VWDE: variants seen among roughly 807,000 people sequenced by gnomAD.
VWDE encodes von Willebrand factor D and EGF domains, also known as von Willebrand factor D and EGF domain-containing protein.
VWDE carries 207 observed loss-of-function variants against 178.4 expected under a neutral mutation model. The ratio of observed to expected loss-of-function variants is 1.16; its 90% CI spans 1.04 to 1.30. The LOEUF (loss-of-function observed/expected upper bound fraction) is 1.30, where lower values mean the gene tolerates loss of function less well. Ranked by LOEUF, VWDE falls within the 50% of genes most tolerant of loss-of-function variation. The pLI is 0.00. For missense variants in VWDE, 2,287 were observed against 1,901.3 expected (o/e 1.20, Z -3.77); for synonymous variants, 738 against 651.4 (o/e 1.13, Z -2.02).
intron 19 of VWDE, 126 bp downstream of exon 19, chr7:12,351,447 G>T: frequency 1.0e-6 from 1 of 988,708 alleles, no homozygotes; most frequent in Admixed American, 3.4e-5. Context: ...ATTTTAAACC[G>T]CATCATATAA....
intron 3 of VWDE, among the ~76,000 whole-genome samples, chr7:12,385,548 G>C (rs189787850): frequency 6.6e-6 from 1 of 152,304 alleles, no homozygotes; most frequent in African/African-American, 2.4e-5. Context: ...CTGTCACCAT[G>C]AAGGAAAAGA....
At chr7:12,366,181 A>G (rs186553353) in intron 13 of VWDE, among the ~76,000 whole-genome samples, 6 of 152,170 alleles carry the variant, frequency 3.9e-5, no homozygotes, top group Middle Eastern at 3.4e-3. Context: ...TGTTTTCTTT[A>G]TAAATTACCT....
chr7:12,377,676 GATTT>G (rs1783610140), intron 7 of VWDE, 96 bp downstream of exon 7: 1 of 688,848 alleles, frequency 1.5e-6, no homozygotes, highest in Non-Finnish European at 2.1e-6. Context: ...CATGCAACAT[GATTT>G]ATTATATGAG....
At chr7:12,392,344 T>A (rs1015583823) in intron 2 of VWDE, among the ~76,000 whole-genome samples, 2 of 152,170 alleles carry the variant, frequency 1.3e-5, no homozygotes, top group African/African-American at 4.8e-5. Flanking sequence ...GGATGCTGAG[T>A]TAATGGGCTT....
At chr7:12,373,612 T>C (rs2128556492) in intron 9 of VWDE, among the ~76,000 whole-genome samples, 1 of 152,258 alleles carries the variant, frequency 6.6e-6, no homozygotes, top group African/African-American at 2.4e-5. Flanking sequence ...TTCCACCCAA[T>C]TTAGTTTTCT....
intron 1 of VWDE, 150 bp downstream of exon 1, chr7:12,403,509 C>G: frequency 1.5e-6 from 1 of 681,188 alleles, no homozygotes. Context: ...AGCAGAGGGA[C>G]AGAGAGGAGG....
At chr7:12,386,079 T>A (rs1011219790) in intron 3 of VWDE, among the ~76,000 whole-genome samples, 1 of 152,176 alleles carries the variant, frequency 6.6e-6, no homozygotes, top group Non-Finnish European at 1.5e-5. Flanking sequence ...GTTTTCTTTT[T>A]TATTAGTTGT....
intron 28 of VWDE, among the ~76,000 whole-genome samples, chr7:12,331,969 C>CT (rs987213996): frequency 3.3e-5 from 5 of 152,040 alleles, no homozygotes; most frequent in South Asian, 2.1e-4. Flanking sequence ...AGCTCCATTT[C>CT]TTTTTTTTAC....
intron 13 of VWDE, among the ~76,000 whole-genome samples, chr7:12,363,397 T>C (rs1782685658): frequency 6.6e-6 from 1 of 152,048 alleles, no homozygotes; most frequent in Non-Finnish European, 1.5e-5. Context: ...GTGCCATCCA[T>C]TTCTTGGTTA....
At chr7:12,349,567 C>T (rs543551390) in intron 19 of VWDE, among the ~76,000 whole-genome samples, 1 of 150,234 alleles carries the variant, frequency 6.7e-6, no homozygotes, top group Admixed American at 6.6e-5. Flanking sequence ...CAGATAAAGG[C>T]AAACCACAGA....
chr7:12,377,476 A>C (rs10276545), intron 7 of VWDE: 18,749 of 189,584 alleles, frequency 0.099, 2,514 homozygotes, highest in African/African-American at 0.32. Context: ...AAACAGGAGA[A>C]TGAGAAAAAA....
intron 7 of VWDE, among the ~76,000 whole-genome samples, chr7:12,376,844 T>C (rs939895984): frequency 6.6e-6 from 1 of 152,084 alleles, no homozygotes; most frequent in African/African-American, 2.4e-5. Flanking sequence ...TTCCTCTATC[T>C]CTTTAGCCAT....
intron 9 of VWDE, 38 bp from the exon 10 acceptor site, chr7:12,373,285 G>C (rs1446741023): frequency 1.3e-6 from 2 of 1,535,726 alleles, no homozygotes; most frequent in Non-Finnish European, 1.8e-6. Flanking sequence ...AAAAAATCGT[G>C]TAAAATATCA....
intron 2 of VWDE, among the ~76,000 whole-genome samples, chr7:12,392,182 T>C (rs1298415935): frequency 1.3e-5 from 2 of 152,204 alleles, no homozygotes; most frequent in Admixed American, 1.3e-4. Context: ...TGTCCACATC[T>C]TTATAATGAA....
chr7:12,400,419 G>C (rs1280183568), intron 1 of VWDE, among the ~76,000 whole-genome samples: 1 of 152,096 alleles, frequency 6.6e-6, no homozygotes, highest in East Asian at 1.9e-4. Context: ...GGAATACTAT[G>C]ACTGCTATAT....
intron 12 of VWDE, 122 bp downstream of exon 12, chr7:12,369,423 G>A (rs913436351): frequency 1.7e-5 from 21 of 1,238,680 alleles, no homozygotes; most frequent in Non-Finnish European, 2.2e-5. Context: ...AATATGATTT[G>A]GAGGTTTTCT....
intron 15 of VWDE, among the ~76,000 whole-genome samples, chr7:12,360,795 A>G (rs1263174054): frequency 6.6e-6 from 1 of 152,182 alleles, no homozygotes; most frequent in Non-Finnish European, 1.5e-5. Flanking sequence ...AATTTTAACC[A>G]AATGTATGTC....
rs544627908 is a variant in VWDE, at chr7:12,365,620, G to A, written c.2898+1737C>T. ...GAAGACATTAGCTTAGTGGCAGGGC[G>A]AGCACATTCCACACAAAGTGAATGC... On this transcript the variant is annotated intron_variant, in intron 13 of 28. Coordinates refer to ENST00000275358, the MANE Select transcript of VWDE (RefSeq NM_001135924.3). Among the ~76,000 whole-genome samples, 21 of 152,078 alleles carry A rather than the reference G, an allele frequency of 1.4e-4. No individual in the cohort carries two copies. The East Asian group carries it at 3.9e-3, about 28-fold the overall frequency.
chr7:12,369,355 T>C (rs1198263871), intron 12 of VWDE, among the ~76,000 whole-genome samples, 190 bp downstream of exon 12: 1 of 152,138 alleles, frequency 6.6e-6, no homozygotes, highest in Non-Finnish European at 1.5e-5. Flanking sequence ...TATAAGTTAC[T>C]TTGGCTTTTA....
Sources: gnomAD v4.1 joint callset for allele counts (sites outside exome capture counted in the v4.1 genomes callset) on GRCh38, gnomAD v4.1.1 for gene constraint, MANE v1.5 for transcripts, NCBI Gene and HGNC (gene_info 2026-07-23, HGNC 2026-07-21) for gene names.